TNIK: variants seen among roughly 807,000 people sequenced by gnomAD.
TNIK encodes TRAF2 and NCK interacting kinase, also known as TRAF2 and NCK-interacting protein kinase.
Under a neutral mutation model 191.3 loss-of-function variants are expected in TNIK, and 49 were observed. The ratio of observed to expected loss-of-function variants is 0.26; its 90% CI spans 0.20 to 0.32. The LOEUF is 0.32. Ranked by LOEUF, TNIK falls within the 10% of genes least tolerant of loss-of-function variation. The pLI is 1.00. For missense variants in TNIK, 1,155 were observed against 1,702.3 expected (o/e 0.68, Z 5.66); for synonymous variants, 594 against 600.9 (o/e 0.99, Z 0.17).
chr3:171,099,003 C>CATCT (rs886686633), intron 22 of TNIK, among the ~76,000 whole-genome samples: 1 of 152,038 alleles, frequency 6.6e-6, no homozygotes, highest in African/African-American at 2.4e-5. Context: ...CAATCATTTC[C>CATCT]ATCTATCTAA....
intron 7 of TNIK, among the ~76,000 whole-genome samples, chr3:171,182,760 C>T (rs917669092): frequency 1.3e-4 from 20 of 152,140 alleles, no homozygotes; most frequent in African/African-American, 3.9e-4. Flanking sequence ...AAAAGCAACA[C>T]GTTTAGATGT....
intron 2 of TNIK, among the ~76,000 whole-genome samples, chr3:171,289,368 T>A (rs1312643891): frequency 6.6e-6 from 1 of 152,180 alleles, no homozygotes; most frequent in African/African-American, 2.4e-5. Context: ...TTTAATAAGG[T>A]CTTAAAAACT....
intron 3 of TNIK, among the ~76,000 whole-genome samples, chr3:171,226,404 A>G (rs952367749): frequency 2.0e-5 from 3 of 152,188 alleles, no homozygotes; most frequent in African/African-American, 4.8e-5. Flanking sequence ...TGTGGAGGCC[A>G]TGCATTAGAA....
At chr3:171,138,624 C>T (rs991396604) in intron 14 of TNIK, among the ~76,000 whole-genome samples, 7 of 152,010 alleles carry the variant, frequency 4.6e-5, no homozygotes, top group African/African-American at 9.7e-5. Context: ...CAATCCCTAC[C>T]GAACCCCATC....
intron 7 of TNIK, among the ~76,000 whole-genome samples, chr3:171,184,572 T>C (rs1166911572): frequency 1.3e-5 from 2 of 152,204 alleles, no homozygotes. Flanking sequence ...CTGGGTCATC[T>C]TCCTTCTGAT....
intron 2 of TNIK, among the ~76,000 whole-genome samples, chr3:171,297,582 A>G (rs1752440807): frequency 6.6e-6 from 1 of 152,190 alleles, no homozygotes; most frequent in Admixed American, 6.5e-5. Flanking sequence ...ATCCCAACAA[A>G]ATATTGATGT....
intron 18 of TNIK, among the ~76,000 whole-genome samples, chr3:171,122,458 A>T (rs1727892974): frequency 6.6e-6 from 1 of 152,076 alleles, no homozygotes; most frequent in East Asian, 1.9e-4. Context: ...AAGTCACTGG[A>T]AAAAAAATGG....
At chr3:171,214,499 G>T (rs76022747) in intron 3 of TNIK, among the ~76,000 whole-genome samples, 1 of 152,158 alleles carries the variant, frequency 6.6e-6, no homozygotes, top group Non-Finnish European at 1.5e-5. Flanking sequence ...AGGATCACAG[G>T]CTACGAGAAT....
intron 15 of TNIK, among the ~76,000 whole-genome samples, chr3:171,131,994 A>G (rs1282143465): frequency 6.6e-6 from 1 of 152,250 alleles, no homozygotes; most frequent in African/African-American, 2.4e-5. Context: ...AACCTCTCCC[A>G]TCTAGAAGAA....
At chr3:171,131,480 T>G (rs914663644) in intron 15 of TNIK, among the ~76,000 whole-genome samples, 2 of 152,008 alleles carry the variant, frequency 1.3e-5, no homozygotes, top group Non-Finnish European at 2.9e-5. Flanking sequence ...AAATTTCTTA[T>G]GCTTTCTAAC....
At chr3:171,138,148 C>CA in intron 15 of TNIK, 43 bp downstream of exon 15, 1 of 1,499,670 alleles carries the variant, frequency 6.7e-7, no homozygotes, top group Non-Finnish European at 8.9e-7. Flanking sequence ...TCATTAGAGT[C>CA]AAAAGCCTGG....
chr3:171,425,866 T>C (rs1440459837), intron 1 of TNIK, among the ~76,000 whole-genome samples: 3 of 150,532 alleles, frequency 2.0e-5, no homozygotes, highest in African/African-American at 7.3e-5. Context: ...GCACCATGCA[T>C]GTAAAAATGC....
At chr3:171,273,430 G>A (rs148704627) in intron 2 of TNIK, among the ~76,000 whole-genome samples, 2 of 152,168 alleles carry the variant, frequency 1.3e-5, no homozygotes, top group Non-Finnish European at 1.5e-5. Flanking sequence ...GTGCTGCCTG[G>A]GGCTGGGGTA....
rs546471419 is a variant in TNIK, at chr3:171,378,546, A to G, written c.58-8861T>C. Among the ~76,000 whole-genome samples the G allele has an allele frequency of 3.9e-5, 6 of 152,366 alleles. No homozygotes were observed. The South Asian group carries it at 1.2e-3, about 32-fold the overall frequency. On this transcript the variant is annotated intron_variant, in intron 1 of 32. Coordinates refer to ENST00000436636, the MANE Select transcript of TNIK (RefSeq NM_015028.4). Reference sequence around the variant, plus strand: ...AAGAAAGAATAATTTCTTTACTCCAAGAATGAATAACTCTTATTGGTTTTG... The same window carrying G: ...AAGAAAGAATAATTTCTTTACTCCAGGAATGAATAACTCTTATTGGTTTTG...
chr3:171,069,727 C>T (rs974296028), intron 29 of TNIK, among the ~76,000 whole-genome samples: 1 of 152,216 alleles, frequency 6.6e-6, no homozygotes, highest in African/African-American at 2.4e-5. Flanking sequence ...TGCCATTTTC[C>T]TTTGCTATTT....
At chr3:171,099,615 G>C (rs1214182297) in intron 22 of TNIK, among the ~76,000 whole-genome samples, 1 of 152,114 alleles carries the variant, frequency 6.6e-6, no homozygotes, top group Non-Finnish European at 1.5e-5. Flanking sequence ...AAACAATCCT[G>C]ATTCAAGGCA....
chr3:171,086,898 AAATTTT>A (rs1721428785), intron 24 of TNIK, among the ~76,000 whole-genome samples: 1 of 152,248 alleles, frequency 6.6e-6, no homozygotes, highest in Non-Finnish European at 1.5e-5. Flanking sequence ...TCTATTTATT[AAATTTT>A]ATTTTTCATA....
intron 1 of TNIK, among the ~76,000 whole-genome samples, chr3:171,389,819 G>C (rs1350918648): frequency 6.6e-6 from 1 of 152,164 alleles, no homozygotes; most frequent in Non-Finnish European, 1.5e-5. Flanking sequence ...GTGAAGCAGA[G>C]AGCATCAAGA....
rs985311391 is a variant in TNIK, at chr3:171,375,829, G to A, written c.58-6144C>T. Among the ~76,000 whole-genome samples, 116 of 152,052 alleles carry A rather than the reference G, an allele frequency of 7.6e-4. 8 individuals are homozygous for A. Among genetic ancestry groups the A allele is most frequent in the Admixed American group, 2.6e-4 (4 of 15,260 alleles). ...ACTTCTTTGAAAATGAAATTGACAC[G>A]GATCATGAGCAAATGGCCTACACAG... is the stretch of plus-strand genomic sequence containing the variant. On this transcript the variant is annotated intron_variant, in intron 1 of 32. Coordinates refer to ENST00000436636, the MANE Select transcript of TNIK (RefSeq NM_015028.4).
Sources: gnomAD v4.1 joint callset for allele counts (sites outside exome capture counted in the v4.1 genomes callset) on GRCh38, gnomAD v4.1.1 for gene constraint, MANE v1.5 for transcripts, NCBI Gene and HGNC (gene_info 2026-07-23, HGNC 2026-07-21) for gene names.